The following PCDH15 variants were observed in gnomAD, a reference collection of about 807,000 sequenced individuals.
The protein encoded by PCDH15 is protocadherin-15.
A neutral mutation model predicts 178.5 loss-of-function variants in PCDH15; 129 were observed. The observed-to-expected ratio is 0.72, with a 90% CI of 0.63 to 0.84. PCDH15 has a LOEUF of 0.84. PCDH15 is among the 40% of genes least tolerant of loss of function. The probability of loss-of-function intolerance (pLI) is 0.00; values close to 1 mark genes in which losing one functional copy is unlikely to be tolerated. For synonymous variants in PCDH15, 800 were observed against 732.0 expected (o/e 1.09, Z -1.50); for missense variants, 2,230 against 2,099.9 (o/e 1.06, Z -1.21).
chr10:54,657,664 T>A (rs2094431118), intron 2 of PCDH15, among the ~76,000 whole-genome samples: 1 of 151,926 alleles, frequency 6.6e-6, no homozygotes. Flanking sequence ...ACAAAGCATA[T>A]CATACACATC....
At chr10:54,752,279 A>G (rs1423849561) in intron 1 of PCDH15, among the ~76,000 whole-genome samples, 1 of 151,406 alleles carries the variant, frequency 6.6e-6, no homozygotes, top group Non-Finnish European at 1.5e-5. Flanking sequence ...GATGGAGACC[A>G]TCCTGGCTAA....
Position 53,984,458 on chromosome 10 carries a change from T to C in PCDH15, c.2868+11191A>G, listed in dbSNP as rs188078510. ...AGCCACCGTGCCTGGCCTTACTTGATTGACTTTTTAACTTTTATCCTTTCA... is the reference window on the plus strand; with the variant it reads ...AGCCACCGTGCCTGGCCTTACTTGACTGACTTTTTAACTTTTATCCTTTCA... On this transcript the variant is annotated intron_variant, in intron 21 of 37. Coordinates refer to ENST00000644397, the MANE Select transcript of PCDH15 (RefSeq NM_001384140.1). 3.6e-3 allele frequency among the ~76,000 whole-genome samples: 555 copies of C among 152,194 alleles called. 2 individuals are homozygous for C. Among genetic ancestry groups the C allele is most frequent in the Non-Finnish European group, 4.9e-3 (330 of 67,990 alleles).
chr10:54,488,555 A>C (rs568589340), intron 3 of PCDH15, among the ~76,000 whole-genome samples: 1 of 152,076 alleles, frequency 6.6e-6, no homozygotes, highest in South Asian at 2.1e-4. Flanking sequence ...CATGATGTAG[A>C]AGTTAAATAC....
intron 18 of PCDH15, among the ~76,000 whole-genome samples, chr10:54,026,204 C>T (rs1427429655): frequency 6.6e-6 from 1 of 151,818 alleles, no homozygotes; most frequent in Non-Finnish European, 1.5e-5. Context: ...GCGCAGCTGG[C>T]ACTACAAGCA....
chr10:54,730,186 C>T (rs1405684630), intron 1 of PCDH15, among the ~76,000 whole-genome samples: 2 of 151,370 alleles, frequency 1.3e-5, no homozygotes, highest in Non-Finnish European at 3.0e-5. Flanking sequence ...AAGAAAATGT[C>T]ATACATATAT....
At chr10:55,077,155 C>A (rs1841914933) in intron 2 of PCDH15, among the ~76,000 whole-genome samples, 1 of 150,754 alleles carries the variant, frequency 6.6e-6, no homozygotes, top group African/African-American at 2.4e-5. Context: ...TCACTACTTT[C>A]AGTCTATATG....
intron 2 of PCDH15, among the ~76,000 whole-genome samples, chr10:54,572,110 C>A (rs368592186): frequency 6.6e-6 from 1 of 152,084 alleles, no homozygotes; most frequent in South Asian, 2.1e-4. Flanking sequence ...GACGAAATAC[C>A]GTGTTTGTCA....
At chr10:53,968,851 C>T (rs2089345248) in intron 21 of PCDH15, among the ~76,000 whole-genome samples, 1 of 152,140 alleles carries the variant, frequency 6.6e-6, no homozygotes, top group South Asian at 2.1e-4. Context: ...CCCATCTGTA[C>T]ATCACCATCA....
At chr10:54,974,266 C>A (rs1839011938) in intron 2 of PCDH15, among the ~76,000 whole-genome samples, 1 of 152,000 alleles carries the variant, frequency 6.6e-6, no homozygotes, top group East Asian at 1.9e-4. Context: ...AGCATACTAT[C>A]CTCCACTAAG....
At chr10:54,354,685 A>G (rs1185270939) in intron 5 of PCDH15, among the ~76,000 whole-genome samples, 1 of 152,170 alleles carries the variant, frequency 6.6e-6, no homozygotes, top group African/African-American at 2.4e-5. Context: ...AATTTATTTC[A>G]TATTAAAAAA....
At chr10:53,998,025 A>C (rs927514104) in intron 20 of PCDH15, among the ~76,000 whole-genome samples, 10 of 152,170 alleles carry the variant, frequency 6.6e-5, no homozygotes, top group African/African-American at 1.9e-4. Flanking sequence ...CACTGTATTT[A>C]TGCTCAGGGA....
At chr10:54,028,327 T>C (rs1377690407) in intron 18 of PCDH15, among the ~76,000 whole-genome samples, 9 of 148,992 alleles carry the variant, frequency 6.0e-5, no homozygotes, top group Non-Finnish European at 1.2e-4. Flanking sequence ...GGAACACTTT[T>C]ACACTGTTGG....
chr10:54,185,570 C>G (rs942168827), intron 11 of PCDH15, among the ~76,000 whole-genome samples: 2 of 151,750 alleles, frequency 1.3e-5, no homozygotes, highest in East Asian at 3.9e-4. Flanking sequence ...TATATTCTTA[C>G]TGATTATTTG....
chr10:55,289,156 A>G (rs966374102), intron 1 of PCDH15, among the ~76,000 whole-genome samples: 2 of 152,060 alleles, frequency 1.3e-5, no homozygotes, highest in African/African-American at 4.8e-5. Flanking sequence ...AGGAGAGAAG[A>G]CACCTCTGTA....
At chr10:54,278,640 G>A (rs1315318931) in intron 8 of PCDH15, among the ~76,000 whole-genome samples, 1 of 151,464 alleles carries the variant, frequency 6.6e-6, no homozygotes, top group Non-Finnish European at 1.5e-5. Context: ...GTCATTCTTG[G>A]TATTTCTGAA....
intron 2 of PCDH15, among the ~76,000 whole-genome samples, chr10:54,529,048 T>C (rs949988415): frequency 6.6e-6 from 1 of 152,016 alleles, no homozygotes; most frequent in African/African-American, 2.4e-5. Flanking sequence ...TCCAAATTTG[T>C]GTGTTATTTG....
intron 3 of PCDH15, among the ~76,000 whole-genome samples, chr10:54,815,340 A>G (rs1369209905): frequency 1.3e-5 from 2 of 152,132 alleles, no homozygotes; most frequent in Admixed American, 6.6e-5. Flanking sequence ...TGGGCACACA[A>G]AGACCGTACA....
At chr10:55,162,805 G>C (rs1839099235) in intron 2 of PCDH15, among the ~76,000 whole-genome samples, 1 of 152,094 alleles carries the variant, frequency 6.6e-6, no homozygotes, top group Non-Finnish European at 1.5e-5. Context: ...AACCTACTAT[G>C]GCTGTGAAGT....
At chr10:54,347,512 T>C (rs1943492270) in intron 5 of PCDH15, among the ~76,000 whole-genome samples, 1 of 152,160 alleles carries the variant, frequency 6.6e-6, no homozygotes, top group Admixed American at 6.5e-5. Flanking sequence ...ATTTGTTCTC[T>C]TAATTTTTGA....
Sources: gnomAD v4.1 joint callset for allele counts (sites outside exome capture counted in the v4.1 genomes callset) on GRCh38, gnomAD v4.1.1 for gene constraint, MANE v1.5 for transcripts, NCBI Gene and HGNC (gene_info 2026-07-23, HGNC 2026-07-21) for gene names.